The following OTUD4 variants were observed in gnomAD, a reference collection of about 807,000 sequenced individuals.
OTUD4 encodes OTU deubiquitinase 4.
A neutral mutation model predicts 130.4 loss-of-function variants in OTUD4; 24 were observed. That is an observed-to-expected ratio of 0.18 (90% CI 0.13 to 0.26). The LOEUF (loss-of-function observed/expected upper bound fraction) is 0.26, where lower values mean the gene tolerates loss of function less well. Among genes scored for constraint, OTUD4 ranks in the 10% least tolerant of loss-of-function variants. The pLI is 1.00. For synonymous variants in OTUD4, 420 were observed against 472.5 expected (o/e 0.89, Z 1.44); for missense variants, 1,031 against 1,329.4 (o/e 0.78, Z 3.49).
At position 145,180,493 on chromosome 4, in the gene OTUD4, CG is replaced by C. The variant is rs1752643896; in HGVS notation, c.-521del. The stretch of plus-strand genomic sequence containing the variant: ...GTTTCCCCACCTCGCTGGAGGGCGC[CG>C]GAGGGGCAGGGAGCGGGTGGGGGCG... On this transcript the variant is annotated 5_prime_UTR_variant, in exon 1 of 21. Coordinates refer to ENST00000447906, the MANE Select transcript of OTUD4 (RefSeq NM_001366057.1). Among the ~76,000 whole-genome samples the C allele has an allele frequency of 1.3e-5, 2 of 152,224 alleles. No individual in the cohort carries two copies. Among genetic ancestry groups the C allele is most frequent in the Non-Finnish European group, 1.5e-5 (1 of 68,034 alleles).
chr4:145,147,062 G>A (rs956007162), intron 13 of OTUD4, among the ~76,000 whole-genome samples: 1 of 152,110 alleles, frequency 6.6e-6, no homozygotes, highest in African/African-American at 2.4e-5. Context: ...ATAGAGTTTA[G>A]TACCCTATAA....
At chr4:145,161,626 T>C (rs1751573278) in intron 6 of OTUD4, among the ~76,000 whole-genome samples, 1 of 152,174 alleles carries the variant, frequency 6.6e-6, no homozygotes, top group African/African-American at 2.4e-5. Context: ...TGGCAAAATC[T>C]GGAAATATTA....
intron 16 of OTUD4, 65 bp from the exon 17 acceptor site, chr4:145,143,510 T>C (rs1433290935): frequency 2.1e-5 from 19 of 912,376 alleles, no homozygotes; most frequent in Non-Finnish European, 2.5e-5. Flanking sequence ...ATATTGATGG[T>C]TTCCTTTTAT....
At position 145,135,371 on chromosome 4, in the gene OTUD4, C is replaced by A. The variant is rs1329566139; in HGVS notation, c.*2059G>T. ...AACATTTTCAGAAGCTGAGATCAAA[C>A]CCCAGTCAATAAAATGCAGGACACT... On this transcript the variant is annotated 3_prime_UTR_variant, in exon 21 of 21. Coordinates refer to ENST00000447906, the MANE Select transcript of OTUD4 (RefSeq NM_001366057.1). 1 of 152,218 alleles carries A rather than the reference C, an allele frequency of 6.6e-6. No individual in the cohort carries two copies. Among genetic ancestry groups the A allele is most frequent in the Admixed American group, 6.5e-5 (1 of 15,272 alleles). The allele number at this position is 152,218 out of a possible 1,614,324, so 9.4% of individuals were successfully genotyped here.
At position 145,171,663 on chromosome 4, in the gene OTUD4, G is replaced by GA. The variant is rs776637105; in HGVS notation, c.294+6dup. The GA allele has an allele frequency of 8.1e-7, 1 of 1,236,188 alleles. No individual in the cohort carries two copies. Among genetic ancestry groups the GA allele is most frequent in the Non-Finnish European group, 1.2e-6 (1 of 839,916 alleles). 76.6% of individuals were successfully genotyped at this position (1,236,188 alleles called of 1,614,324 possible). A position where few individuals can be genotyped will look rare whatever the true frequency, so the allele number is the denominator to read the frequency against. On this transcript the variant is annotated splice_region_variant and intron_variant, in intron 3 of 20. Coordinates refer to ENST00000447906, the MANE Select transcript of OTUD4 (RefSeq NM_001366057.1). ...AAATAGAAATATACTAGAAGACTGT[G>GA]ACATACCTGTGGATTTTCCAAACGC...
chr4:145,177,224 G>A (rs1475500331), intron 1 of OTUD4, among the ~76,000 whole-genome samples: 1 of 152,204 alleles, frequency 6.6e-6, no homozygotes, highest in Non-Finnish European at 1.5e-5. Context: ...TAGTCTTAAA[G>A]CCATTTACCT....
rs1292675986 is a variant in OTUD4, at chr4:145,136,762, T to C, written c.*668A>G. Reference sequence around the variant, plus strand: ...CAACAAATACCAAAATTCAAAAATATACCTTATGAATATTAAAAGAACTAT... The same window carrying C: ...CAACAAATACCAAAATTCAAAAATACACCTTATGAATATTAAAAGAACTAT... On this transcript the variant is annotated 3_prime_UTR_variant, in exon 21 of 21. Transcript: ENST00000447906. 3 of 152,598 alleles carry C rather than the reference T, an allele frequency of 2.0e-5. No individual in the cohort carries two copies. The highest frequency in any genetic ancestry group is 2.9e-5 in the Non-Finnish European group (2 of 68,044). 9.5% of individuals were successfully genotyped at this position (152,598 alleles called of 1,614,324 possible).
At chr4:145,142,916 G>A (rs1244442926) in intron 17 of OTUD4, among the ~76,000 whole-genome samples, 1 of 152,070 alleles carries the variant, frequency 6.6e-6, no homozygotes, top group Non-Finnish European at 1.5e-5. Flanking sequence ...TTGTAAATTG[G>A]TATTTTTTTA....
chr4:145,165,195 T>C lies in OTUD4; in HGVS notation c.297A>G (p.Glu99=). ...CACTTATTTCCACTTGTCCTACCCA[T>C]TCCTGTATTGAAGAAAAAAAGGTGG... ...EYLKRLENPQ[E]WVGQVEISAL... The change falls in exon 4 of 21, where the codon GAA becomes GAG. Residue 99 remains glutamate (E), a splice_region_variant and synonymous_variant. Transcript: ENST00000447906. 1 of 1,606,616 alleles carries C rather than the reference T, an allele frequency of 6.2e-7. No individual in the cohort carries two copies.
intron 2 of OTUD4, among the ~76,000 whole-genome samples, chr4:145,172,557 T>C (rs749596566): frequency 6.6e-6 from 1 of 152,220 alleles, no homozygotes; most frequent in Non-Finnish European, 1.5e-5. Flanking sequence ...GAGAAATCTC[T>C]AAAAGTCATT....
Position 145,165,780 on chromosome 4 carries a change from T to A in OTUD4, c.295-583A>T, listed in dbSNP as rs571368439. On this transcript the variant is annotated intron_variant, in intron 3 of 20. Transcript: ENST00000447906. ...CGTGAGCCACTGCGCCTGGCCCAAG[T>A]TGAGAACGTATTGAAGGCAAGGGCT... is the stretch of plus-strand genomic sequence containing the variant. Among the ~76,000 whole-genome samples the A allele has an allele frequency of 2.5e-4, 38 of 151,968 alleles. 1 individual carries two copies. The South Asian group carries it at 5.4e-3, about 22-fold the overall frequency.
chr4:145,156,144 A>G (rs555600942), intron 7 of OTUD4, 148 bp from the exon 8 acceptor site: 8 of 576,116 alleles, frequency 1.4e-5, no homozygotes, highest in Admixed American at 1.0e-4. Flanking sequence ...GTACAAGTAT[A>G]TCTATATATA....
At chr4:145,160,767 C>T (rs768981288) in intron 6 of OTUD4, among the ~76,000 whole-genome samples, 9 of 152,122 alleles carry the variant, frequency 5.9e-5, no homozygotes, top group Non-Finnish European at 1.0e-4. Context: ...GAACTGAGAT[C>T]ATGCCACTGC....
chr4:145,168,413 T>TAAAAAAA (rs11432018), intron 3 of OTUD4, among the ~76,000 whole-genome samples: 7 of 122,830 alleles, frequency 5.7e-5, no homozygotes, highest in East Asian at 2.3e-4. Flanking sequence ...AATAAAAAAT[T>TAAAAAAA]AAAAAAAAAA....
At chr4:145,144,493 C>G (rs536374391) in intron 14 of OTUD4, 59 bp from the exon 15 acceptor site, 1 of 1,509,846 alleles carries the variant, frequency 6.6e-7, no homozygotes, top group Non-Finnish European at 9.0e-7. Flanking sequence ...GATACATGAA[C>G]AAATTCTGTA....
chr4:145,149,110 A>G (rs1750956021), intron 13 of OTUD4, among the ~76,000 whole-genome samples: 1 of 152,194 alleles, frequency 6.6e-6, no homozygotes, highest in African/African-American at 2.4e-5. Flanking sequence ...TAATCAAGTT[A>G]AGGTGAGGTC....
chr4:145,155,553 C>G lies in OTUD4; in HGVS notation c.808+16G>C, dbSNP rs1444406033. 6.2e-7 allele frequency: 1 copy of G among 1,600,182 alleles called. No individual in the cohort carries two copies. On this transcript the variant is annotated intron_variant, in intron 9 of 20. Coordinates refer to ENST00000447906, the MANE Select transcript of OTUD4 (RefSeq NM_001366057.1). Reference sequence around the variant, plus strand: ...CTACAAAGCAAATTTATGGAAAATGCAGATTTTTAACTCACCTTGTTTAGA... The same window carrying G: ...CTACAAAGCAAATTTATGGAAAATGGAGATTTTTAACTCACCTTGTTTAGA...
chr4:145,142,163 T>C (rs201552235), intron 18 of OTUD4, 33 bp downstream of exon 18: 411 of 1,598,654 alleles, frequency 2.6e-4, no homozygotes, highest in Non-Finnish European at 3.1e-4. Flanking sequence ...AAAGGTATTT[T>C]GGCTGGCTAG....
At chr4:145,176,577 T>A (rs1234612418) in intron 1 of OTUD4, among the ~76,000 whole-genome samples, 1 of 150,986 alleles carries the variant, frequency 6.6e-6, no homozygotes, top group Non-Finnish European at 1.5e-5. Context: ...TGCGTGCCTG[T>A]AGTCCCAGCT....
Sources: allele counts gnomAD v4.1 joint callset (sites outside exome capture counted in the v4.1 genomes callset), GRCh38; gene constraint gnomAD v4.1.1; transcripts MANE v1.5; gene names NCBI Gene and HGNC (gene_info 2026-07-23, HGNC 2026-07-21).